TAB2: variants seen among roughly 807,000 people sequenced by gnomAD.
The protein encoded by TAB2 is TGF-beta-activated kinase 1 and MAP3K7-binding protein 2.
Under a neutral mutation model 65.0 loss-of-function variants are expected in TAB2, and 3 were observed. That is an observed-to-expected ratio of 0.05 (90% CI 0.02 to 0.12). The LOEUF (loss-of-function observed/expected upper bound fraction) is 0.12. Ranked by LOEUF, TAB2 falls within the 10% of genes least tolerant of loss-of-function variation. TAB2 has a pLI of 1.00. For missense variants in TAB2, 623 were observed against 840.3 expected (o/e 0.74, Z 3.20); for synonymous variants, 298 against 285.1 (o/e 1.05, Z -0.46).
intron 1 of TAB2, among the ~76,000 whole-genome samples, chr6:149,350,697 C>T (rs1435112767): frequency 6.9e-6 from 1 of 144,506 alleles, no homozygotes; most frequent in Non-Finnish European, 1.5e-5. Flanking sequence ...TCACTACATC[C>T]TTGAACTCCT....
At chr6:149,380,442 A>G (rs1232781983) in intron 3 of TAB2, among the ~76,000 whole-genome samples, 2 of 150,784 alleles carry the variant, frequency 1.3e-5, no homozygotes, top group South Asian at 2.1e-4. Context: ...TTATTTTCAA[A>G]TCTTTCAATT....
At chr6:149,228,680 G>A (rs568498949) in intron 1 of TAB2, among the ~76,000 whole-genome samples, 3 of 152,358 alleles carry the variant, frequency 2.0e-5, no homozygotes, top group South Asian at 2.1e-4. Flanking sequence ...AGCAATGTGC[G>A]CTGGCAAAGC....
chr6:149,373,101 A>G (rs1781283526), intron 2 of TAB2, among the ~76,000 whole-genome samples: 2 of 152,154 alleles, frequency 1.3e-5, no homozygotes, highest in African/African-American at 4.8e-5. Flanking sequence ...GGAACTACTC[A>G]TATCTTTTCC....
intron 3 of TAB2, among the ~76,000 whole-genome samples, chr6:149,392,271 G>C (rs1004012003): frequency 3.9e-5 from 6 of 152,086 alleles, no homozygotes; most frequent in Non-Finnish European, 7.4e-5. Context: ...CTTCTGAGTA[G>C]CTGAGATTAC....
chr6:149,406,895 T>G (rs1015749413), intron 6 of TAB2, among the ~76,000 whole-genome samples: 5 of 152,092 alleles, frequency 3.3e-5, no homozygotes, highest in Non-Finnish European at 5.9e-5. Context: ...TTTTGTATTT[T>G]TAGTACAGAC....
intron 1 of TAB2, among the ~76,000 whole-genome samples, chr6:149,333,105 C>T (rs1369261656): frequency 6.6e-6 from 1 of 152,190 alleles, no homozygotes; most frequent in African/African-American, 2.4e-5. Context: ...CTTGAGCGCT[C>T]AGTAAATATT....
chr6:149,358,417 C>T (rs905610088), intron 1 of TAB2, among the ~76,000 whole-genome samples: 6 of 152,108 alleles, frequency 3.9e-5, no homozygotes, highest in Non-Finnish European at 4.4e-5. Context: ...TTCCAGTTTT[C>T]GAGTATTTCA....
intron 3 of TAB2, among the ~76,000 whole-genome samples, chr6:149,388,293 C>T (rs1000958672): frequency 1.3e-5 from 2 of 152,118 alleles, no homozygotes; most frequent in African/African-American, 4.8e-5. Context: ...AAGCCTCTGC[C>T]TCAACGCATG....
In TAB2 at chr6:149,344,437, CT is replaced by C. The variant is rs545533542; in HGVS notation, c.-89-25471del. On this transcript the variant is annotated intron_variant, in intron 1 of 6. Transcript: ENST00000637181. ...CTTTGTGGAGAAGGTAATGTTTCTG[CT>C]GAACCATGAAGGATAAATAGAATTC... is the stretch of plus-strand genomic sequence containing the variant. Among the ~76,000 whole-genome samples, 1,123 of 152,218 alleles carry C rather than the reference CT, an allele frequency of 7.4e-3. 11 individuals are homozygous for C. The highest frequency in any genetic ancestry group is 0.026 in the African/African-American group (1,084 of 41,524).
At chr6:149,399,014 T>G (rs1254133473) in intron 5 of TAB2, 90 bp from the exon 6 acceptor site, 2 of 1,076,860 alleles carry the variant, frequency 1.9e-6, no homozygotes, top group East Asian at 5.0e-5. Context: ...TCTTATAGCG[T>G]GTTTATTTTT....
intron 2 of TAB2, among the ~76,000 whole-genome samples, chr6:149,376,886 TC>T (rs58277096): frequency 0.051 from 7,241 of 143,088 alleles, 566 homozygotes; most frequent in African/African-American, 0.17. Flanking sequence ...AATCTGAGGT[TC>T]CCCCCCCCCA....
At position 149,257,822 on chromosome 6, in the gene TAB2, CA is replaced by C. The variant is rs561406608; in HGVS notation, c.-121+39047del. Among the ~76,000 whole-genome samples, 600 of 152,124 alleles carry C rather than the reference CA, an allele frequency of 3.9e-3. 4 individuals are homozygous for C. Among genetic ancestry groups the C allele is most frequent in the African/African-American group, 0.013 (556 of 41,496 alleles). On this transcript the variant is annotated intron_variant, in intron 1 of 1. Transcript: ENST00000606202. ...ATAGCTCCTGGGGGAGCAAGACAAG[CA>C]CAAGCGAGGGCAAGTGAATGCAACT... is the stretch of plus-strand genomic sequence containing the variant.
At chr6:149,351,824 TAGATA>T (rs974903308) in intron 1 of TAB2, among the ~76,000 whole-genome samples, 4 of 152,346 alleles carry the variant, frequency 2.6e-5, no homozygotes, top group East Asian at 3.9e-4. Context: ...CTCATCTAGT[TAGATA>T]AGACAGTGTG....
upstream of TAB2, among the ~76,000 whole-genome samples, chr6:149,314,236 T>A (rs1233292317): frequency 6.6e-6 from 1 of 152,252 alleles, no homozygotes; most frequent in Admixed American, 6.5e-5. Flanking sequence ...CTGGTCTTTG[T>A]GCCTTCGAAC....
intron 5 of TAB2, among the ~76,000 whole-genome samples, chr6:149,398,445 T>C (rs951338507): frequency 2.0e-5 from 3 of 152,046 alleles, no homozygotes; most frequent in Non-Finnish European, 4.4e-5. Context: ...TAAAAAGATA[T>C]AAAATGGAAA....
chr6:149,364,395 C>T (rs961159619), intron 1 of TAB2, among the ~76,000 whole-genome samples: 10 of 152,052 alleles, frequency 6.6e-5, no homozygotes, highest in African/African-American at 2.4e-4. Flanking sequence ...CTCCCATGCT[C>T]TGCTTTGGAA....
At chr6:149,287,492 T>A (rs200099166) in intron 1 of TAB2, among the ~76,000 whole-genome samples, 3 of 97,908 alleles carry the variant, frequency 3.1e-5, no homozygotes, top group Non-Finnish European at 6.6e-5. Flanking sequence ...GTTTTTTTTT[T>A]TAAAAAGAAA....
chr6:149,275,888 A>T (rs1778462583), intron 1 of TAB2, among the ~76,000 whole-genome samples: 1 of 152,232 alleles, frequency 6.6e-6, no homozygotes, highest in Admixed American at 6.5e-5. Flanking sequence ...AAAACTGTCA[A>T]GGTTATCTGA....
chr6:149,270,335 T>G (rs1301440800), intron 1 of TAB2, among the ~76,000 whole-genome samples: 1 of 152,224 alleles, frequency 6.6e-6, no homozygotes, highest in African/African-American at 2.4e-5. Context: ...ACACTAGTTC[T>G]TTATCAGATA....
Sources: allele counts gnomAD v4.1 joint callset (sites outside exome capture counted in the v4.1 genomes callset), GRCh38; gene constraint gnomAD v4.1.1; transcripts MANE v1.5; gene names NCBI Gene and HGNC (gene_info 2026-07-23, HGNC 2026-07-21).